The following ZNF277 variants were observed in gnomAD, a reference collection of about 807,000 sequenced individuals.
ZNF277 encodes zinc finger protein 277, also known as nuclear receptor-interacting factor 4.
Under a neutral mutation model 60.7 loss-of-function variants are expected in ZNF277, and 55 were observed. That is an observed-to-expected ratio of 0.91 (90% CI 0.73 to 1.13). The LOEUF (loss-of-function observed/expected upper bound fraction) is 1.13, where lower values mean the gene tolerates loss of function less well. ZNF277 is among the 50% of genes most tolerant of loss of function. The pLI, the probability that ZNF277 is intolerant of heterozygous loss-of-function variation, is 0.00. For missense variants in ZNF277, 510 were observed against 523.0 expected (o/e 0.98, Z 0.24); for synonymous variants, 178 against 179.3 (o/e 0.99, Z 0.06).
rs1793485846 is a variant in ZNF277 at position 112,343,665 on chromosome 7, A to G, written c.*936A>G. Among the ~76,000 whole-genome samples, 1 of 152,160 alleles carries G rather than the reference A, an allele frequency of 6.6e-6. No homozygotes were observed. The highest frequency in any genetic ancestry group is 1.5e-5 in the Non-Finnish European group (1 of 68,030). On this transcript the variant is annotated 3_prime_UTR_variant, in exon 12 of 12. Transcript: ENST00000361822. Reference sequence around the variant, plus strand: ...TTTGAGGCTGGGCACAGTAGCTCATATCTGTAATCCCAGCACTTTGGGAGG... The same window carrying G: ...TTTGAGGCTGGGCACAGTAGCTCATGTCTGTAATCCCAGCACTTTGGGAGG...
intron 1 of ZNF277, among the ~76,000 whole-genome samples, chr7:112,265,688 A>C (rs1398124397): frequency 6.6e-6 from 1 of 152,178 alleles, no homozygotes; most frequent in Non-Finnish European, 1.5e-5. Context: ...AAAAATCATC[A>C]TAATGTTAAT....
chr7:112,280,326 G>T (rs1313235805), intron 1 of ZNF277, among the ~76,000 whole-genome samples: 4 of 152,014 alleles, frequency 2.6e-5, no homozygotes, highest in African/African-American at 9.7e-5. Flanking sequence ...CACTTTGAGG[G>T]TCTTCCCCAG....
chr7:112,222,990 G>A (rs924455905), intron 1 of ZNF277, among the ~76,000 whole-genome samples: 2 of 152,118 alleles, frequency 1.3e-5, no homozygotes, highest in Admixed American at 6.5e-5. Flanking sequence ...TCCTGCCCTC[G>A]AACATCGTAC....
chr7:112,243,654 A>G (rs551842728), intron 1 of ZNF277, among the ~76,000 whole-genome samples: 2 of 152,224 alleles, frequency 1.3e-5, no homozygotes, highest in South Asian at 4.1e-4. Context: ...CAGGATGGCT[A>G]TAGTTAAAAA....
intron 9 of ZNF277, among the ~76,000 whole-genome samples, chr7:112,338,653 G>A (rs552671405): frequency 6.6e-6 from 1 of 152,108 alleles, no homozygotes; most frequent in Non-Finnish European, 1.5e-5. Context: ...CCTAGAAAGC[G>A]CTCAAAAGAC....
chr7:112,227,496 G>A (rs751103628), intron 1 of ZNF277, among the ~76,000 whole-genome samples: 15 of 152,120 alleles, frequency 9.9e-5, no homozygotes, highest in Non-Finnish European at 1.9e-4. Context: ...AATTTAAACA[G>A]TTTTGGGCCT....
chr7:112,218,253 G>T (rs1204203295), intron 1 of ZNF277, among the ~76,000 whole-genome samples: 4 of 152,204 alleles, frequency 2.6e-5, no homozygotes, highest in African/African-American at 9.6e-5. Flanking sequence ...GTACTGGAGG[G>T]GGAAAGTTAA....
intron 5 of ZNF277, among the ~76,000 whole-genome samples, chr7:112,324,671 A>G (rs1174600330): frequency 6.6e-6 from 1 of 152,154 alleles, no homozygotes. Flanking sequence ...GAATCAAGCT[A>G]ATTTTGAATT....
Position 112,317,221 on chromosome 7 carries a change from G to A in ZNF277, c.466-961G>A, listed in dbSNP as rs142147074. On this transcript the variant is annotated intron_variant, in intron 4 of 11. Transcript: ENST00000361822. Reference sequence around the variant, plus strand: ...TGTAGATGATGGGTTGATGGGTACAGCAAACCACCATGGCACATGTGGCAC... The same window carrying A: ...TGTAGATGATGGGTTGATGGGTACAACAAACCACCATGGCACATGTGGCAC... Among the ~76,000 whole-genome samples the A allele has an allele frequency of 5.9e-3, 903 of 152,170 alleles. 15 individuals are homozygous for A. The highest frequency in any genetic ancestry group is 0.02 in the African/African-American group (826 of 41,534).
chr7:112,260,288 A>G (rs1227481609), intron 1 of ZNF277, among the ~76,000 whole-genome samples: 1 of 152,188 alleles, frequency 6.6e-6, no homozygotes, highest in Non-Finnish European at 1.5e-5. Context: ...CTACAGCACC[A>G]AAAAGATTAA....
chr7:112,330,155 A>T lies in ZNF277; in HGVS notation c.740A>T (p.Gln247Leu). ...NTLKDHMRKK[Q>L]HRKINPKNRE... ...CTTAAAGATCACATGAGGAAAAAAC[A>T]GCATCGTAAGATTAATCCTAAGAAC... The change falls in exon 7 of 12, where the codon CAG (glutamine) becomes CTG (leucine). Residue 247 changes from glutamine to leucine, a missense_variant. By Grantham distance (113) the Gln-to-Leu change is moderately radical. Coordinates refer to ENST00000361822, the MANE Select transcript of ZNF277 (RefSeq NM_021994.3). 1 of 1,613,326 alleles carries T rather than the reference A, an allele frequency of 6.2e-7. No homozygotes were observed. Among genetic ancestry groups the T allele is most frequent in the South Asian group, 1.1e-5 (1 of 91,070 alleles).
rs553094158 is a variant in ZNF277, at chr7:112,215,755, C to A, written c.91+8948C>A. ...CTTAACTGAAAGAACTCTCCCCTCC[C>A]TGCAAGTAATCACAGAGGCCCTGCC... On this transcript the variant is annotated intron_variant, in intron 1 of 11. Transcript: ENST00000361822. Among the ~76,000 whole-genome samples, 5 of 152,322 alleles carry A rather than the reference C, an allele frequency of 3.3e-5. No homozygotes were observed. The East Asian group carries it at 9.6e-4, about 29-fold the overall frequency.
intron 1 of ZNF277, among the ~76,000 whole-genome samples, chr7:112,278,531 T>A (rs1383459751): frequency 6.6e-6 from 1 of 152,212 alleles, no homozygotes. Flanking sequence ...CAGACACTCA[T>A]GTGCTTTACA....
chr7:112,254,491 T>C (rs1441414651), intron 1 of ZNF277, among the ~76,000 whole-genome samples: 2 of 152,248 alleles, frequency 1.3e-5, no homozygotes, highest in Non-Finnish European at 1.5e-5. Flanking sequence ...TGGGGTTGTG[T>C]TGACATGATT....
intron 1 of ZNF277, among the ~76,000 whole-genome samples, chr7:112,234,795 G>A (rs1266396143): frequency 1.3e-5 from 2 of 151,466 alleles, no homozygotes; most frequent in Admixed American, 6.6e-5. Context: ...GTATATATTT[G>A]CATCTTAATA....
At chr7:112,310,907 A>G (rs899515307) in intron 4 of ZNF277, among the ~76,000 whole-genome samples, 8 of 152,076 alleles carry the variant, frequency 5.3e-5, no homozygotes, top group South Asian at 2.1e-4. Flanking sequence ...AAGAAACTCT[A>G]TTGTAAATCT....
At chr7:112,298,057 A>G (rs1377933047) in intron 4 of ZNF277, among the ~76,000 whole-genome samples, 1 of 152,222 alleles carries the variant, frequency 6.6e-6, no homozygotes, top group Non-Finnish European at 1.5e-5. Context: ...AAGGCAATCA[A>G]TCCATACATG....
At chr7:112,289,146 AC>A (rs1039531928) in intron 2 of ZNF277, among the ~76,000 whole-genome samples, 8 of 152,154 alleles carry the variant, frequency 5.3e-5, no homozygotes, top group African/African-American at 1.9e-4. Context: ...TAATCTAAAA[AC>A]CTAATTATCA....
chr7:112,272,695 T>C (rs986934447), intron 1 of ZNF277, among the ~76,000 whole-genome samples: 7 of 152,148 alleles, frequency 4.6e-5, no homozygotes, highest in African/African-American at 1.7e-4. Flanking sequence ...GGTTTCACCA[T>C]GTTGGCCAGG....
Sources: allele counts gnomAD v4.1 joint callset (sites outside exome capture counted in the v4.1 genomes callset), GRCh38; gene constraint gnomAD v4.1.1; transcripts MANE v1.5; gene names NCBI Gene and HGNC (gene_info 2026-07-23, HGNC 2026-07-21).